Variants in PUM1 observed in about 807,000 individuals in gnomAD.
The protein encoded by PUM1 is pumilio homolog 1.
Under a neutral mutation model 131.8 loss-of-function variants are expected in PUM1, and 13 were observed. The ratio of observed to expected loss-of-function variants is 0.10; its 90% CI spans 0.06 to 0.16. The LOEUF (loss-of-function observed/expected upper bound fraction) is 0.16. PUM1 is among the 10% of genes least tolerant of loss of function. The probability of loss-of-function intolerance (pLI) is 1.00; values close to 1 mark genes in which losing one functional copy is unlikely to be tolerated. For missense variants in PUM1, 961 were observed against 1,512.4 expected (o/e 0.64, Z 6.05); for synonymous variants, 509 against 556.5 (o/e 0.91, Z 1.20).
intron 3 of PUM1, among the ~76,000 whole-genome samples, chr1:31,022,551 G>C (rs1222555465): frequency 2.6e-5 from 4 of 152,190 alleles, no homozygotes; most frequent in Non-Finnish European, 4.4e-5. Flanking sequence ...TGGGAACTAC[G>C]TTCCAAATCA....
chr1:30,938,636 A>C (rs1639310525), intron 20 of PUM1, among the ~76,000 whole-genome samples: 1 of 152,200 alleles, frequency 6.6e-6, no homozygotes, highest in Non-Finnish European at 1.5e-5. Context: ...AGGCCAAGGC[A>C]GATGGATCAT....
At chr1:31,058,549 C>G (rs144754967) in intron 2 of PUM1, among the ~76,000 whole-genome samples, 1 of 151,872 alleles carries the variant, frequency 6.6e-6, no homozygotes, top group Non-Finnish European at 1.5e-5. Context: ...GTAGTCCCAG[C>G]TACTCGGGAG....
At chr1:31,023,479 T>C (rs1008162178) in intron 3 of PUM1, among the ~76,000 whole-genome samples, 1 of 152,174 alleles carries the variant, frequency 6.6e-6, no homozygotes, top group African/African-American at 2.4e-5. Context: ...AGACACTGTT[T>C]GCCATAATAG....
chr1:31,050,073 C>T (rs1469612614), intron 2 of PUM1, among the ~76,000 whole-genome samples: 3 of 151,946 alleles, frequency 2.0e-5, no homozygotes, highest in Non-Finnish European at 4.4e-5. Flanking sequence ...TCAGGTGATC[C>T]GCCCACCTCA....
chr1:30,965,998 T>C lies in PUM1; in HGVS notation c.2070A>G (p.Gly690=). The C allele has an allele frequency of 1.2e-6, 2 of 1,613,804 alleles. No homozygotes were observed. Among genetic ancestry groups the C allele is most frequent in the South Asian group, 2.2e-5 (2 of 91,040 alleles). ...AATTTCTACCTGCTGTTCCAAACCCTCCAAGGGCGGATCCCAGGGTGGCGC... is the reference window on the plus strand; with the variant it reads ...AATTTCTACCTGCTGTTCCAAACCCCCCAAGGGCGGATCCCAGGGTGGCGC... The part of the protein sequence containing the change: ...SLGATLGSAL[G]GFGTAVANSN... Residue 690 remains glycine (G), a synonymous_variant, in exon 13 of 22, where the codon GGA becomes GGG. Coordinates refer to ENST00000426105, the MANE Select transcript of PUM1 (RefSeq NM_001020658.2).
chr1:31,059,409 T>G lies in PUM1; in HGVS notation c.158A>C (p.Asn53Thr), dbSNP rs1312061214. The change falls in exon 2 of 22, where the codon AAT becomes ACT. Residue 53 changes from asparagine (N) to threonine (T), a missense_variant. Coordinates refer to ENST00000426105, the MANE Select transcript of PUM1 (RefSeq NM_001020658.2). ...GTGAGTCCCAGCTGCAAGAGCCTGA[T>G]TTGCAGCTGGTTGTGGCTGCGCTTG... ...GSQAQPQPAANQALAAGTHSS... is the reference protein window; with the variant it reads ...GSQAQPQPAATQALAAGTHSS... 1 of 1,614,030 alleles carries G rather than the reference T, an allele frequency of 6.2e-7. No individual in the cohort carries two copies. Among genetic ancestry groups the G allele is most frequent in the African/African-American group, 1.3e-5 (1 of 74,914 alleles).
intron 3 of PUM1, among the ~76,000 whole-genome samples, chr1:31,015,467 G>A (rs369431606): frequency 6.6e-6 from 1 of 151,218 alleles, no homozygotes; most frequent in Non-Finnish European, 1.5e-5. Flanking sequence ...TCAGCTTCCC[G>A]AGTAGCTGGG....
chr1:30,936,789 C>A lies in PUM1; in HGVS notation c.3289G>T (p.Ala1097Ser), dbSNP rs371056869. The A allele has an allele frequency of 3.1e-6, 5 of 1,613,856 alleles. No individual in the cohort carries two copies. In the South Asian group the frequency reaches 4.4e-5, roughly 14 times the overall value. The change falls in exon 21 of 22, where the codon GCT becomes TCT. Residue 1097 changes from alanine (A) to serine (S), a missense_variant. Ala to Ser is a moderately conservative substitution (Grantham distance 99). Around this residue, in one of 4 missense-constraint regions of PUM1, gnomAD observed 178 missense variants for 327.5 expected, o/e 0.54. Transcript: ENST00000426105. ...CVTHASRTERAVLIDEVCTMN... is the reference protein window; with the variant it reads ...CVTHASRTERSVLIDEVCTMN... ...GTGCACACCTCATCGATGAGCACAG[C>A]GCGCTCCGTACGTGAGGCGTGAGTA...
In PUM1 at chr1:30,986,084, A is replaced by G. The variant is rs1024168317; in HGVS notation, c.1159-4679T>C. On this transcript the variant is annotated intron_variant, in intron 7 of 21. Transcript: ENST00000426105. ...ATTCTCCTGTCTCAGCCTCTGGAGT[A>G]GCTGGGATTACAGGCTTGCGCCACC... Among the ~76,000 whole-genome samples the G allele has an allele frequency of 5.3e-5, 8 of 152,236 alleles. No individual in the cohort carries two copies. In the South Asian group the frequency reaches 1.0e-3, roughly 20 times the overall value.
chr1:31,039,551 A>C (rs1175454070), intron 2 of PUM1, among the ~76,000 whole-genome samples: 1 of 152,140 alleles, frequency 6.6e-6, no homozygotes, highest in African/African-American at 2.4e-5. Flanking sequence ...TTAAACACAG[A>C]AAAATGTTAT....
chr1:31,034,704 T>A (rs977832819), intron 2 of PUM1, among the ~76,000 whole-genome samples: 1 of 152,216 alleles, frequency 6.6e-6, no homozygotes, highest in Non-Finnish European at 1.5e-5. Flanking sequence ...GAATTTTTGT[T>A]AACTAGAGTA....
intron 7 of PUM1, among the ~76,000 whole-genome samples, chr1:30,987,046 A>G (rs930966460): frequency 2.6e-5 from 4 of 152,190 alleles, no homozygotes; most frequent in African/African-American, 9.7e-5. Context: ...TTAGTACAAC[A>G]GTGTCCAATT....
intron 2 of PUM1, among the ~76,000 whole-genome samples, chr1:31,047,341 C>G (rs1345099542): frequency 6.6e-6 from 1 of 151,572 alleles, no homozygotes; most frequent in African/African-American, 2.4e-5. Flanking sequence ...AGAAATCTCT[C>G]AAAAGGAAAA....
At chr1:31,050,257 C>T (rs1179956485) in intron 2 of PUM1, among the ~76,000 whole-genome samples, 5 of 151,956 alleles carry the variant, frequency 3.3e-5, no homozygotes, top group African/African-American at 9.7e-5. Context: ...GGCCAAGGTG[C>T]GAGGACTGCT....
At chr1:31,025,980 C>T (rs184083373) in intron 3 of PUM1, among the ~76,000 whole-genome samples, 3 of 152,244 alleles carry the variant, frequency 2.0e-5, no homozygotes, top group Admixed American at 1.3e-4. Flanking sequence ...CCACCGGGCA[C>T]GGTAGCTCAA....
intron 2 of PUM1, among the ~76,000 whole-genome samples, chr1:31,045,570 A>AC (rs1211145699): frequency 6.6e-6 from 1 of 152,086 alleles, no homozygotes; most frequent in Non-Finnish European, 1.5e-5. Context: ...GCAACATGAG[A>AC]CCCCATCTGT....
chr1:30,988,980 ATAAGAG>A (rs1464786940), intron 7 of PUM1, among the ~76,000 whole-genome samples: 1 of 152,192 alleles, frequency 6.6e-6, no homozygotes, highest in Non-Finnish European at 1.5e-5. Context: ...TAACTGAATA[ATAAGAG>A]TAAGAGAATG....
chr1:30,952,163 A>C, intron 16 of PUM1, 71 bp downstream of exon 16: 3 of 1,489,644 alleles, frequency 2.0e-6, no homozygotes, highest in Non-Finnish European at 2.8e-6. Flanking sequence ...GCTATGCTTA[A>C]AAAGGCTAAT....
chr1:30,933,439 TACACAC>T (rs58664754), intron 21 of PUM1, 97 bp from the exon 22 acceptor site: 14,013 of 361,828 alleles, frequency 0.039, 109 homozygotes, highest in African/African-American at 0.046. Context: ...CACACACACA[TACACAC>T]ACACACACAC....
Sources: gnomAD v4.1 joint callset for allele counts (sites outside exome capture counted in the v4.1 genomes callset) on GRCh38, gnomAD v4.1.1 for gene constraint, gnomAD v4.1.1 regional missense constraint, MANE v1.5 for transcripts, NCBI Gene and HGNC (gene_info 2026-07-23, HGNC 2026-07-21) for gene names.